Variants in MACROD2 observed in about 807,000 individuals in gnomAD.
The protein encoded by MACROD2 is mono-ADP ribosylhydrolase 2.
In MACROD2, 36 loss-of-function variants were observed where a neutral mutation model predicts 70.4. The ratio of observed to expected loss-of-function variants is 0.51; its 90% confidence interval spans 0.39 to 0.68. MACROD2 has a LOEUF of 0.68. MACROD2 is among the 30% of genes least tolerant of loss of function. The probability of loss-of-function intolerance (pLI) is 0.00; values close to 1 mark genes in which losing one functional copy is unlikely to be tolerated. For missense variants in MACROD2, 496 were observed against 538.4 expected, an observed-to-expected ratio of 0.92 and a Z score of 0.78; for synonymous variants, 172 against 178.8, an observed-to-expected ratio of 0.96 and a Z score of 0.30.
At chr20:15,088,397 T>TTTTATATATATA (rs1423606664) in intron 5 of MACROD2, among the ~76,000 whole-genome samples, 1 of 111,172 alleles carries the variant, frequency 9.0e-6, no homozygotes, top group South Asian at 3.7e-4. Flanking sequence ...ATACTATATT[T>TTTTATATATATA]TATATATATA....
intron 5 of MACROD2, among the ~76,000 whole-genome samples, chr20:15,192,014 G>GTATCTATCTATCTATCTATCTATC: frequency 6.8e-6 from 1 of 146,388 alleles, no homozygotes; most frequent in Non-Finnish European, 1.5e-5. Flanking sequence ...TATTAACTAT[G>GTATCTATCTATCTATCTATCTATC]TATCTATCTA....
intron 5 of MACROD2, among the ~76,000 whole-genome samples, chr20:15,001,908 T>A (rs1600932267): frequency 6.6e-6 from 1 of 152,028 alleles, no homozygotes; most frequent in Non-Finnish European, 1.5e-5. Flanking sequence ...ATCATTCTTA[T>A]GCCTTTGCAT....
intron 5 of MACROD2, among the ~76,000 whole-genome samples, chr20:14,864,179 T>C (rs914878795): frequency 2.6e-5 from 4 of 152,170 alleles, no homozygotes; most frequent in African/African-American, 9.6e-5. Flanking sequence ...TGTCCTTTTC[T>C]TGCTGCCTAA....
At chr20:15,794,276 A>G (rs2063652789) in intron 8 of MACROD2, among the ~76,000 whole-genome samples, 1 of 152,080 alleles carries the variant, frequency 6.6e-6, no homozygotes, top group Non-Finnish European at 1.5e-5. Context: ...TTCTCTTGCT[A>G]TTATTTTTCT....
At chr20:15,858,647 G>A (rs944031683) in intron 8 of MACROD2, among the ~76,000 whole-genome samples, 1 of 152,144 alleles carries the variant, frequency 6.6e-6, no homozygotes, top group East Asian at 1.9e-4. Context: ...TTTCCCGCTG[G>A]TGTGACATTA....
intron 6 of MACROD2, among the ~76,000 whole-genome samples, chr20:15,395,177 C>T (rs6034170): frequency 0.03 from 4,581 of 152,254 alleles, 197 homozygotes; most frequent in African/African-American, 0.1. Context: ...ATTATCCCTG[C>T]CACAGTCTAC....
chr20:14,670,666 C>G (rs1272162786), intron 4 of MACROD2, among the ~76,000 whole-genome samples: 1 of 152,138 alleles, frequency 6.6e-6, no homozygotes, highest in Non-Finnish European at 1.5e-5. Context: ...GAAACACCAT[C>G]CACATCCTAG....
chr20:14,024,605 A>C (rs1297280836), intron 2 of MACROD2, among the ~76,000 whole-genome samples: 1 of 151,168 alleles, frequency 6.6e-6, no homozygotes, highest in Admixed American at 6.6e-5. Context: ...AGTGGTGTTA[A>C]ATTTTCTGTA....
rs140514613 is a variant in MACROD2, at chr20:14,326,366, A to G, written c.272-167113A>G. ...GGCTGTTTGGTCACTGGAGCTGGCC[A>G]CTGTCCTTGGGCAGGATACACTGTG... On this transcript the variant is annotated intron_variant, in intron 3 of 17. Coordinates refer to ENST00000684519, the MANE Select transcript of MACROD2 (RefSeq NM_001351661.2). This position sits in a 1 kb window ranked among gnomAD's most constrained non-coding sequence, Gnocchi z 5.5. 2.6e-5 allele frequency: 42 copies of G among 1,613,782 alleles called. No homozygotes were observed. In the African/African-American group the frequency reaches 3.3e-4, roughly 13 times the overall value.
chr20:15,454,260 T>C (rs1023739084), intron 7 of MACROD2, among the ~76,000 whole-genome samples: 2 of 152,128 alleles, frequency 1.3e-5, no homozygotes, highest in African/African-American at 4.8e-5. Flanking sequence ...AAATCATTCT[T>C]TGCTGTAGGT....
chr20:15,720,428 A>G (rs1427994695), intron 8 of MACROD2, among the ~76,000 whole-genome samples: 2 of 152,180 alleles, frequency 1.3e-5, no homozygotes, highest in African/African-American at 4.8e-5. Flanking sequence ...AATTTTACAT[A>G]TCACCTAGTT....
At chr20:15,387,050 A>G (rs1048395673) in intron 6 of MACROD2, among the ~76,000 whole-genome samples, 1 of 152,188 alleles carries the variant, frequency 6.6e-6, no homozygotes, top group Non-Finnish European at 1.5e-5. Context: ...CAGCTCAACT[A>G]TTATGAGAGA....
At chr20:14,598,976 T>C (rs1237507985) in intron 4 of MACROD2, among the ~76,000 whole-genome samples, 2 of 152,160 alleles carry the variant, frequency 1.3e-5, no homozygotes, top group Admixed American at 6.6e-5. Context: ...TATATTTACA[T>C]AGATATAAAT....
chr20:14,178,432 G>T (rs1032233116), intron 3 of MACROD2, among the ~76,000 whole-genome samples: 2 of 152,068 alleles, frequency 1.3e-5, no homozygotes, highest in Non-Finnish European at 2.9e-5. Context: ...AAATAGCAAA[G>T]TGCAAAAGAA....
At chr20:14,798,984 T>C (rs554357150) in intron 5 of MACROD2, among the ~76,000 whole-genome samples, 1 of 152,124 alleles carries the variant, frequency 6.6e-6, no homozygotes, top group South Asian at 2.1e-4. Context: ...ATATAACAGT[T>C]GTATACAGTG....
At chr20:14,349,164 T>C (rs895883616) in intron 3 of MACROD2, among the ~76,000 whole-genome samples, 5 of 150,144 alleles carry the variant, frequency 3.3e-5, no homozygotes, top group Non-Finnish European at 5.9e-5. Context: ...GCCTTTCAAA[T>C]ATTTACAACT....
intron 3 of MACROD2, among the ~76,000 whole-genome samples, chr20:14,255,072 C>G (rs1361875958): frequency 5.9e-5 from 9 of 152,198 alleles, no homozygotes; most frequent in African/African-American, 2.2e-4. Flanking sequence ...GGCCCCCACT[C>G]TGTTCTGGCT....
At chr20:13,999,929 G>A (rs1297270823) in intron 1 of MACROD2, among the ~76,000 whole-genome samples, 5 of 152,138 alleles carry the variant, frequency 3.3e-5, no homozygotes, top group African/African-American at 9.7e-5. Context: ...CAGGAGAATC[G>A]CTTGAACCCA....
intron 5 of MACROD2, among the ~76,000 whole-genome samples, chr20:15,204,486 T>C (rs2076684544): frequency 6.6e-6 from 1 of 152,134 alleles, no homozygotes. Context: ...AAAGAAGTGT[T>C]GTAGTATATC....
Sources: gnomAD v4.1 joint callset for allele counts (sites outside exome capture counted in the v4.1 genomes callset) on GRCh38, gnomAD v4.1.1 for gene constraint, Gnocchi (gnomAD v3.1) non-coding constraint, MANE v1.5 for transcripts, NCBI Gene and HGNC (gene_info 2026-07-23, HGNC 2026-07-21) for gene names.